The following LRCH3 variants were observed in gnomAD, a reference collection of about 807,000 sequenced individuals.
LRCH3 encodes leucine rich repeats and calponin homology domain containing 3, also known as DISP complex protein LRCH3.
A neutral mutation model predicts 104.5 loss-of-function variants in LRCH3; 68 were observed. The ratio of observed to expected loss-of-function variants is 0.65; its 90% CI spans 0.54 to 0.80. The LOEUF (loss-of-function observed/expected upper bound fraction) is 0.80. Ranked by LOEUF, LRCH3 falls within the 30% of genes least tolerant of loss-of-function variation. LRCH3 has a pLI of 0.00. For missense variants in LRCH3, 951 were observed against 953.9 expected (o/e 1.00, Z 0.04); for synonymous variants, 344 against 361.3 (o/e 0.95, Z 0.54).
At chr3:197,864,082 G>C (rs898151887) in intron 15 of LRCH3, among the ~76,000 whole-genome samples, 1 of 146,614 alleles carries the variant, frequency 6.8e-6, no homozygotes, top group African/African-American at 2.5e-5. Context: ...GAGGCAGGTG[G>C]ATCACCTGAG....
intron 12 of LRCH3, chr3:197,850,350 T>C: frequency 1.1e-6 from 1 of 904,436 alleles, no homozygotes; most frequent in Non-Finnish European, 1.7e-6. Flanking sequence ...TACCATTTTT[T>C]CTTTTTTTTT....
At position 197,830,881 on chromosome 3, in the gene LRCH3, TC is replaced by T. The variant is rs1165902604; in HGVS notation, c.981+20del. The T allele has an allele frequency of 6.4e-7, 1 of 1,571,042 alleles. No individual in the cohort carries two copies. The highest frequency in any genetic ancestry group is 1.4e-5 in the African/African-American group (1 of 73,960). Reference sequence around the variant, plus strand: ...GGAATGAAGTAAGTGTTTTTTATGTTCCGTGTGTTATAACACCTGATTAAGA... The same window carrying T: ...GGAATGAAGTAAGTGTTTTTTATGTTCGTGTGTTATAACACCTGATTAAGA... On this transcript the variant is annotated intron_variant, in intron 7 of 20. Transcript: ENST00000425562.
chr3:197,831,645 A>G (rs1326779029), intron 7 of LRCH3, among the ~76,000 whole-genome samples: 1 of 151,984 alleles, frequency 6.6e-6, no homozygotes, highest in East Asian at 1.9e-4. Flanking sequence ...GGAGTCATGA[A>G]TCTTTTATAT....
At chr3:197,829,720 A>G (rs1560551495) in intron 6 of LRCH3, 47 bp downstream of exon 6, 7 of 1,277,600 alleles carry the variant, frequency 5.5e-6, no homozygotes, top group Non-Finnish European at 7.8e-6. Flanking sequence ...TGTACAGAGA[A>G]TCAAATAAAA....
At chr3:197,800,923 G>A (rs1055320871) in intron 1 of LRCH3, among the ~76,000 whole-genome samples, 1 of 151,924 alleles carries the variant, frequency 6.6e-6, no homozygotes, top group Non-Finnish European at 1.5e-5. Flanking sequence ...GTGAAACCCC[G>A]TCTCTACTAA....
chr3:197,870,367 T>G, intron 18 of LRCH3, 89 bp downstream of exon 18: 2 of 1,302,890 alleles, frequency 1.5e-6, no homozygotes, highest in Non-Finnish European at 2.1e-6. Flanking sequence ...ACACATCATT[T>G]TTATTTATTT....
chr3:197,792,623 TAA>T, intron 1 of LRCH3, among the ~76,000 whole-genome samples: 1 of 88,532 alleles, frequency 1.1e-5, no homozygotes, highest in Non-Finnish European at 2.3e-5. Context: ...CATATATATA[TAA>T]TATACATATA....
intron 14 of LRCH3, among the ~76,000 whole-genome samples, chr3:197,857,948 CTGTT>C (rs937514189): frequency 6.6e-6 from 1 of 152,116 alleles, no homozygotes. Flanking sequence ...TCCTAAACAC[CTGTT>C]TGTTTTCTTG....
rs375565119 is a variant in LRCH3, at chr3:197,820,293, G to A, written c.535-32G>A. 3 of 1,456,734 alleles carry A rather than the reference G, an allele frequency of 2.1e-6. No homozygotes were observed. The African/African-American group carries it at 4.2e-5, about 20-fold the overall frequency. 90.2% of individuals were successfully genotyped at this position (1,456,734 alleles called of 1,614,324 possible). A position where few individuals can be genotyped will look rare whatever the true frequency, so the allele number is the denominator to read the frequency against. On this transcript the variant is annotated intron_variant, in intron 3 of 20. Coordinates refer to ENST00000425562, the MANE Select transcript of LRCH3 (RefSeq NM_001365715.1). ...AAAGCAGACAAGTTTGTAATGTTAG[G>A]ACAATCTTTATTTTGTATCTTTTCG...
chr3:197,862,730 TTC>T (rs1035053603), intron 15 of LRCH3, among the ~76,000 whole-genome samples: 3 of 152,220 alleles, frequency 2.0e-5, no homozygotes, highest in African/African-American at 4.8e-5. Context: ...TTTTACCAGT[TTC>T]TGTTACTCTT....
At chr3:197,857,846 G>A (rs1015375167) in intron 14 of LRCH3, among the ~76,000 whole-genome samples, 12 of 152,090 alleles carry the variant, frequency 7.9e-5, no homozygotes, top group East Asian at 3.9e-4. Context: ...ATAATACATT[G>A]TGTGTTACAT....
intron 15 of LRCH3, among the ~76,000 whole-genome samples, chr3:197,862,926 A>G (rs1056368025): frequency 1.3e-5 from 2 of 152,240 alleles, no homozygotes; most frequent in African/African-American, 4.8e-5. Context: ...AGGAATTGTT[A>G]CCAGAAAATT....
At chr3:197,825,564 C>T (rs1401907378) in intron 4 of LRCH3, among the ~76,000 whole-genome samples, 2 of 143,794 alleles carry the variant, frequency 1.4e-5, no homozygotes, top group Non-Finnish European at 3.0e-5. Flanking sequence ...ACTGCAAGCT[C>T]CGCCTCCCGG....
At chr3:197,795,578 G>GT (rs1160305843) in intron 1 of LRCH3, among the ~76,000 whole-genome samples, 1 of 151,164 alleles carries the variant, frequency 6.6e-6, no homozygotes, top group Non-Finnish European at 1.5e-5. Flanking sequence ...GGCAGTGTTT[G>GT]TACCTTTGGG....
At chr3:197,840,404 C>T (rs1157191550) in intron 10 of LRCH3, among the ~76,000 whole-genome samples, 1 of 152,180 alleles carries the variant, frequency 6.6e-6, no homozygotes, top group South Asian at 2.1e-4. Context: ...TTGCAGTGAG[C>T]CGAGATCGCA....
At chr3:197,864,619 A>C (rs1580857944) in intron 15 of LRCH3, among the ~76,000 whole-genome samples, 1 of 150,844 alleles carries the variant, frequency 6.6e-6, no homozygotes, top group African/African-American at 2.4e-5. Flanking sequence ...TCAAAAAAAA[A>C]AAAACAAAAA....
chr3:197,808,463 G>T (rs778866738), intron 1 of LRCH3, among the ~76,000 whole-genome samples: 9 of 152,142 alleles, frequency 5.9e-5, no homozygotes, highest in Non-Finnish European at 1.0e-4. Context: ...TCTATTTAGA[G>T]AACTTCCATT....
rs566216440 is a variant in LRCH3, at chr3:197,841,973, C to A, written c.1328+2576C>A. ...TCAGCCGCTGGAGTAGCTGCAACTT[C>A]AGGCGTGTGCTACATACTCAGCAAA... is the stretch of plus-strand genomic sequence containing the variant. On this transcript the variant is annotated intron_variant, in intron 10 of 20. Coordinates refer to ENST00000425562, the MANE Select transcript of LRCH3 (RefSeq NM_001365715.1). 5.9e-5 allele frequency among the ~76,000 whole-genome samples: 9 copies of A among 152,256 alleles called. No individual in the cohort carries two copies. The South Asian group carries it at 1.4e-3, about 25-fold the overall frequency.
At chr3:197,877,634 CAT>C (rs1233513361) in intron 20 of LRCH3, among the ~76,000 whole-genome samples, 3 of 152,364 alleles carry the variant, frequency 2.0e-5, no homozygotes, top group South Asian at 4.1e-4. Flanking sequence ...CACAGCATCA[CAT>C]GTTACAAAGT....
Sources: allele counts gnomAD v4.1 joint callset (sites outside exome capture counted in the v4.1 genomes callset), GRCh38; gene constraint gnomAD v4.1.1; transcripts MANE v1.5; gene names NCBI Gene and HGNC (gene_info 2026-07-23, HGNC 2026-07-21).